The following BRPF3 variants were observed in gnomAD, a reference collection of about 807,000 sequenced individuals.
BRPF3 encodes the protein bromodomain and PHD finger containing 3, also known as bromodomain and PHD finger-containing protein 3.
In BRPF3, 18 loss-of-function variants were observed where a neutral mutation model predicts 102.0. The observed-to-expected ratio is 0.18, with a 90% CI of 0.12 to 0.26. The LOEUF (loss-of-function observed/expected upper bound fraction) is 0.26, where lower values mean the gene tolerates loss of function less well. Among genes scored for constraint, BRPF3 ranks in the 10% least tolerant of loss-of-function variants. BRPF3 has a pLI of 1.00. For synonymous variants in BRPF3, 570 were observed against 614.2 expected (o/e 0.93, Z 1.06); for missense variants, 1,147 against 1,567.8 (o/e 0.73, Z 4.53).
At chr6:36,229,361 C>T (rs1581997170) in intron 12 of BRPF3, among the ~76,000 whole-genome samples, 1 of 152,358 alleles carries the variant, frequency 6.6e-6, no homozygotes, top group East Asian at 1.9e-4. Context: ...AGCTCATCCA[C>T]TGGGCACATC....
At chr6:36,204,304 C>A in intron 2 of BRPF3, 1 of 280,316 alleles carries the variant, frequency 3.6e-6, no homozygotes. Flanking sequence ...TGTTCCCTTT[C>A]GCTGCTTTTA....
chr6:36,226,427 T>G (rs1172513247), intron 11 of BRPF3, among the ~76,000 whole-genome samples: 1 of 152,250 alleles, frequency 6.6e-6, no homozygotes, highest in African/African-American at 2.4e-5. Context: ...CCACTGATAC[T>G]AAACCTTTGG....
chr6:36,221,924 A>G (rs908056127), intron 9 of BRPF3, among the ~76,000 whole-genome samples: 15 of 152,182 alleles, frequency 9.9e-5, no homozygotes, highest in African/African-American at 3.6e-4. Flanking sequence ...TGAGCAGGGA[A>G]CTGAGCAACT....
chr6:36,211,473 A>G lies in BRPF3; in HGVS notation c.2395A>G (p.Asn799Asp), dbSNP rs758535270. Residue 799 changes from asparagine to aspartate, a missense_variant, in exon 7 of 13, where the codon AAT becomes GAT. Physicochemically the swap from Asn to Asp is conservative, Grantham distance 23. This residue lies in a region of BRPF3 where 379 missense variants were observed against 426.3 expected (regional missense o/e 0.89). Transcript: ENST00000357641. ...QPPSLNKTVSNGELPAGPQGD... is the reference protein window; with the variant it reads ...QPPSLNKTVSDGELPAGPQGD... ...ACCATCACTCAACAAGACAGTATCC[A>G]ATGGGGAGCTGCCAGCAGGGCCCCA... is the stretch of plus-strand genomic sequence containing the variant. 2 of 1,595,698 alleles carry G rather than the reference A, an allele frequency of 1.3e-6. No homozygotes were observed. The highest frequency in any genetic ancestry group is 8.5e-7 in the Non-Finnish European group (1 of 1,170,986).
chr6:36,203,779 G>A (rs1561819582), intron 2 of BRPF3, among the ~76,000 whole-genome samples: 3 of 152,220 alleles, frequency 2.0e-5, no homozygotes, highest in Admixed American at 6.5e-5. Context: ...GTCTGGGGAT[G>A]TACCATGGTA....
At chr6:36,221,810 T>C (rs1306555448) in intron 9 of BRPF3, among the ~76,000 whole-genome samples, 2 of 152,216 alleles carry the variant, frequency 1.3e-5, no homozygotes, top group Non-Finnish European at 2.9e-5. Flanking sequence ...CAAAGAATTC[T>C]GGGCAGATGT....
chr6:36,225,081 C>T (rs1437114624), intron 10 of BRPF3, among the ~76,000 whole-genome samples, 186 bp from the exon 11 acceptor site: 1 of 152,194 alleles, frequency 6.6e-6, no homozygotes, highest in East Asian at 1.9e-4. Flanking sequence ...TGGCCCTTTA[C>T]AGAACTAGTT....
chr6:36,227,699 G>C (rs1301501866), intron 11 of BRPF3, among the ~76,000 whole-genome samples: 1 of 152,174 alleles, frequency 6.6e-6, no homozygotes, highest in Non-Finnish European at 1.5e-5. Flanking sequence ...TTGTATGGTG[G>C]TTCTCCTTAA....
At chr6:36,205,736 C>T (rs1318460148) in intron 3 of BRPF3, among the ~76,000 whole-genome samples, 3 of 152,172 alleles carry the variant, frequency 2.0e-5, no homozygotes, top group African/African-American at 7.2e-5. Context: ...GGTAACATTC[C>T]CAGTGGCTCT....
At chr6:36,229,926 C>G (rs1446163508) in intron 12 of BRPF3, among the ~76,000 whole-genome samples, 4 of 152,198 alleles carry the variant, frequency 2.6e-5, no homozygotes, top group Non-Finnish European at 1.5e-5. Flanking sequence ...CAAGATCTTG[C>G]TCCAAAGGCT....
intron 4 of BRPF3, 116 bp downstream of exon 4, chr6:36,207,560 C>G (rs1002552859): frequency 8.0e-5 from 109 of 1,360,644 alleles, no homozygotes; most frequent in Non-Finnish European, 1.1e-4. Flanking sequence ...TTCTCCCCTC[C>G]CTACCCAGGA....
At chr6:36,217,832 C>A in intron 8 of BRPF3, 85 bp from the exon 9 acceptor site, 1 of 1,090,272 alleles carries the variant, frequency 9.2e-7, no homozygotes, top group Non-Finnish European at 1.4e-6. Context: ...GTCACTGAGC[C>A]CTCCTGAGGT....
intron 9 of BRPF3, among the ~76,000 whole-genome samples, chr6:36,220,655 A>G (rs1768502362): frequency 6.6e-6 from 1 of 152,192 alleles, no homozygotes; most frequent in Non-Finnish European, 1.5e-5. Context: ...AGCACTTTAC[A>G]TTTGTACAAG....
In BRPF3 at chr6:36,200,998, A is replaced by G; in HGVS notation, c.676A>G (p.Ser226Gly). The stretch of plus-strand genomic sequence containing the variant: ...GTGCCTGGATGATGAATGTCACAAT[A>G]GCAATGTTATTCTCTTCTGTGACAT... ...CVCLDDECHN[S>G]NVILFCDICN... is the part of the protein sequence containing the mutation. The change falls in exon 2 of 13, where the codon AGC (serine) becomes GGC (glycine). Residue 226 changes from serine (S) to glycine (G), a missense_variant. Physicochemically the swap from Ser to Gly is moderately conservative, Grantham distance 56 (BLOSUM62 0). Around this residue, in one of 11 missense-constraint regions of BRPF3, gnomAD observed 221 missense variants for 337.1 expected, o/e 0.66. Transcript: ENST00000357641. This position sits in a 1 kb window ranked among gnomAD's most constrained non-coding sequence, Gnocchi z 5.3. 2.5e-6 allele frequency: 4 copies of G among 1,614,112 alleles called. No individual in the cohort carries two copies. The highest frequency in any genetic ancestry group is 3.4e-6 in the Non-Finnish European group (4 of 1,180,038).
chr6:36,225,133 G>A (rs933728170), intron 10 of BRPF3, 134 bp from the exon 11 acceptor site: 1 of 652,982 alleles, frequency 1.5e-6, no homozygotes, highest in African/African-American at 1.8e-5. Context: ...GAAAGGAGAG[G>A]GAAAAGGAAG....
intron 8 of BRPF3, among the ~76,000 whole-genome samples, chr6:36,214,887 G>A (rs995865163): frequency 3.9e-5 from 6 of 152,262 alleles, no homozygotes; most frequent in South Asian, 2.1e-4. Context: ...AGGAGGTAAC[G>A]TTTGAGTAAA....
intron 9 of BRPF3, among the ~76,000 whole-genome samples, chr6:36,220,611 G>T (rs892574539): frequency 2.0e-5 from 3 of 152,114 alleles, no homozygotes; most frequent in African/African-American, 7.2e-5. Context: ...TCATCTTGAC[G>T]TGAACTTTGA....
chr6:36,230,744 A>T lies in BRPF3; in HGVS notation c.*135A>T. The T allele has an allele frequency of 1.7e-6, 2 of 1,165,594 alleles. No individual in the cohort carries two copies. 72.2% of individuals were successfully genotyped at this position (1,165,594 alleles called of 1,614,324 possible). A position where few individuals can be genotyped will look rare whatever the true frequency, so the allele number is the denominator to read the frequency against. On this transcript the variant is annotated 3_prime_UTR_variant, in exon 13 of 13. Coordinates refer to ENST00000357641, the MANE Select transcript of BRPF3 (RefSeq NM_015695.3). The surrounding 1 kb of genome is among the most constrained non-coding windows in gnomAD (Gnocchi z 5.4). ...AGGCCAGGGACTGGGCTTTCTCCCC[A>T]CTAAGGGCAAGGCCCCAGTTTTGAC...
In BRPF3 at chr6:36,214,235, G is replaced by T. The variant is rs368004211; in HGVS notation, c.2838G>T (p.Arg946Ser). The change falls in exon 8 of 13, where the codon AGG becomes AGT. Residue 946 changes from arginine (R) to serine (S), a missense_variant. Arg to Ser is a moderately radical substitution (Grantham distance 110, BLOSUM62 -1). Coordinates refer to ENST00000357641, the MANE Select transcript of BRPF3 (RefSeq NM_015695.3). Reference protein sequence around the residue: ...NGVKLQRSPDRVLENGEDHGV... With the variant: ...NGVKLQRSPDSVLENGEDHGV... ...TTAAGCTACAGAGAAGCCCAGACAGGGTCCTGGAGAATGGCGAGGACCATG... is the reference window on the plus strand; with the variant it reads ...TTAAGCTACAGAGAAGCCCAGACAGTGTCCTGGAGAATGGCGAGGACCATG... The T allele has an allele frequency of 7.4e-6, 12 of 1,614,076 alleles. No individual in the cohort carries two copies. The African/African-American group carries it at 1.5e-4, about 20-fold the overall frequency.
Sources: allele counts gnomAD v4.1 joint callset (sites outside exome capture counted in the v4.1 genomes callset), GRCh38; gene constraint gnomAD v4.1.1; regional missense constraint gnomAD v4.1.1; non-coding constraint Gnocchi (gnomAD v3.1); transcripts MANE v1.5; gene names NCBI Gene and HGNC (gene_info 2026-07-23, HGNC 2026-07-21).